Variants in ACCSL observed in about 807,000 individuals in gnomAD.
ACCSL encodes the protein 1-aminocyclopropane-1-carboxylate synthase homolog (inactive) like, also known as probable inactive 1-aminocyclopropane-1-carboxylate synthase-like protein 2.
In ACCSL, 55 loss-of-function variants were observed where a neutral mutation model predicts 61.7. The ratio of observed to expected loss-of-function variants is 0.89; its 90% CI spans 0.72 to 1.12. The LOEUF (loss-of-function observed/expected upper bound fraction) is 1.12. Ranked by LOEUF, ACCSL falls within the 50% of genes most tolerant of loss-of-function variation. The pLI, the probability that ACCSL is intolerant of heterozygous loss-of-function variation, is 0.00. For synonymous variants in ACCSL, 258 were observed against 264.3 expected, an observed-to-expected ratio of 0.98 and a Z score of 0.23; for missense variants, 632 against 698.0, an observed-to-expected ratio of 0.91 and a Z score of 1.07.
At chr11:44,054,297 A>G (rs1413768225) in intron 8 of ACCSL, among the ~76,000 whole-genome samples, 1 of 152,120 alleles carries the variant, frequency 6.6e-6, no homozygotes, top group Non-Finnish European at 1.5e-5. Context: ...ACACAGACCA[A>G]TGAATGGTGC....
chr11:43,960,627 TG>T, the ACCSL span, among the ~76,000 whole-genome samples: 1 of 152,076 alleles, frequency 6.6e-6, no homozygotes, highest in South Asian at 2.1e-4. Flanking sequence ...TCAAGTGATC[TG>T]CTCACCTCGG....
chr11:43,985,787 G>A, the ACCSL span, among the ~76,000 whole-genome samples: 1 of 152,100 alleles, frequency 6.6e-6, no homozygotes, highest in Non-Finnish European at 1.5e-5. Context: ...GGGCGCAGTG[G>A]CTCACGCCTG....
the ACCSL span, among the ~76,000 whole-genome samples, chr11:44,004,546 T>A: frequency 6.6e-6 from 1 of 152,144 alleles, no homozygotes; most frequent in Middle Eastern, 3.2e-3. Flanking sequence ...CAAGGGCATG[T>A]ACCTAGCTGT....
the ACCSL span, among the ~76,000 whole-genome samples, chr11:43,966,926 C>T: frequency 6.6e-6 from 1 of 152,136 alleles, no homozygotes; most frequent in East Asian, 1.9e-4. Context: ...TGTTTTTCTT[C>T]TTTAGAGATT....
At chr11:44,052,817 C>T (rs1002942599) in intron 6 of ACCSL, 58 bp downstream of exon 6, 1 of 1,551,452 alleles carries the variant, frequency 6.4e-7, no homozygotes, top group African/African-American at 1.4e-5. Flanking sequence ...GTTCTGGGGA[C>T]ACCTAAAGGG....
At chr11:43,943,153 C>G in the ACCSL span, 1 of 1,502,022 alleles carries the variant, frequency 6.7e-7, no homozygotes, top group Middle Eastern at 1.7e-4. The surrounding 1 kb of genome is among the most constrained non-coding windows in gnomAD (Gnocchi z 4.8). Flanking sequence ...AGAAGTCGTT[C>G]CTGCAGAGCC....
the ACCSL span, among the ~76,000 whole-genome samples, chr11:43,953,026 G>A: frequency 6.6e-6 from 1 of 152,148 alleles, no homozygotes; most frequent in Non-Finnish European, 1.5e-5. Flanking sequence ...TACTTTTCCA[G>A]ATGGACATTT....
chr11:44,024,345 T>C, the ACCSL span, among the ~76,000 whole-genome samples: 129,898 of 151,802 alleles, frequency 0.86, 55,647 homozygotes, highest in Middle Eastern at 0.87. Context: ...GATGGCAGAT[T>C]ATGGGACTTC....
chr11:43,972,177 C>T, the ACCSL span, among the ~76,000 whole-genome samples: 1 of 152,176 alleles, frequency 6.6e-6, no homozygotes, highest in African/African-American at 2.4e-5. Context: ...TCCTGTAAGA[C>T]AGTGTCCCCA....
the ACCSL span, among the ~76,000 whole-genome samples, chr11:44,040,059 G>T: frequency 6.6e-5 from 10 of 152,200 alleles, no homozygotes; most frequent in Non-Finnish European, 1.2e-4. Context: ...AGGCAGGGGG[G>T]CCTGGGCAGA....
chr11:44,052,731 A>G lies in ACCSL; in HGVS notation c.842A>G (p.Glu281Gly). The change falls in exon 6 of 14, where the codon GAG (glutamate) becomes GGG (glycine). Residue 281 changes from glutamate to glycine, a missense_variant. Physicochemically the swap from Glu to Gly is moderately conservative, Grantham distance 98. Transcript: ENST00000378832. ...AFSSRLYAKV[E>G]LIPVHLESEV... ...AGCTCCCGCCTGTATGCAAAGGTTG[A>G]GTTGATTCCTGTCCACCTGGAGAGT... 3.1e-6 allele frequency: 5 copies of G among 1,614,082 alleles called. No homozygotes were observed. The highest frequency in any genetic ancestry group is 4.2e-6 in the Non-Finnish European group (5 of 1,180,006).
At chr11:44,007,359 C>T in the ACCSL span, among the ~76,000 whole-genome samples, 3 of 152,172 alleles carry the variant, frequency 2.0e-5, no homozygotes, top group Admixed American at 6.5e-5. Context: ...GAGAAAGAAG[C>T]CCCAAGGCCC....
the ACCSL span, chr11:43,943,179 G>A: frequency 2.7e-6 from 4 of 1,508,670 alleles, no homozygotes; most frequent in African/African-American, 1.4e-5. The surrounding 1 kb of genome is among the most constrained non-coding windows in gnomAD (Gnocchi z 4.8). Context: ...TGCCTGCGCC[G>A]CAGCACGCAG....
chr11:44,012,369 C>T, the ACCSL span, among the ~76,000 whole-genome samples: 1 of 152,078 alleles, frequency 6.6e-6, no homozygotes, highest in African/African-American at 2.4e-5. Context: ...TCACTGCAAC[C>T]TCCGCCTCCC....
intron 13 of ACCSL, among the ~76,000 whole-genome samples, 153 bp from the exon 14 acceptor site, chr11:44,059,685 A>G (rs967455926): frequency 1.3e-5 from 2 of 152,252 alleles, no homozygotes; most frequent in African/African-American, 4.8e-5. Context: ...TGCAACATGT[A>G]GACTTGGAAA....
chr11:43,988,778 G>A, the ACCSL span, among the ~76,000 whole-genome samples: 117 of 148,358 alleles, frequency 7.9e-4, no homozygotes, highest in African/African-American at 2.8e-3. Context: ...AATCCTAGGA[G>A]ACCATTTCTG....
At chr11:43,954,270 C>G in the ACCSL span, among the ~76,000 whole-genome samples, 1 of 152,058 alleles carries the variant, frequency 6.6e-6, no homozygotes. Flanking sequence ...TTGTCTCACG[C>G]CGAGGAAATC....
the ACCSL span, among the ~76,000 whole-genome samples, chr11:43,995,888 C>T: frequency 5.9e-5 from 9 of 152,198 alleles, no homozygotes; most frequent in Non-Finnish European, 4.4e-5. Context: ...CCTCCCCTAA[C>T]CCCAGAATCT....
the ACCSL span, among the ~76,000 whole-genome samples, chr11:43,937,181 C>T: frequency 6.6e-6 from 1 of 152,144 alleles, no homozygotes; most frequent in East Asian, 1.9e-4. Flanking sequence ...TGGTAGCAGT[C>T]CATGCCACAG....
Sources: allele counts gnomAD v4.1 joint callset (sites outside exome capture counted in the v4.1 genomes callset), GRCh38; gene constraint gnomAD v4.1.1; non-coding constraint Gnocchi (gnomAD v3.1); transcripts MANE v1.5; gene names NCBI Gene and HGNC (gene_info 2026-07-23, HGNC 2026-07-21).